The following PDE11A variants were observed in gnomAD, a reference collection of about 807,000 sequenced individuals.
PDE11A encodes the protein phosphodiesterase 11A.
Under a neutral mutation model 100.5 loss-of-function variants are expected in PDE11A, and 100 were observed. That is an observed-to-expected ratio of 1.00 (90% CI 0.85 to 1.18). PDE11A has a LOEUF of 1.18. Ranked by LOEUF, PDE11A falls within the 50% of genes most tolerant of loss-of-function variation. PDE11A has a pLI of 0.00. For synonymous variants in PDE11A, 381 were observed against 420.8 expected, an observed-to-expected ratio of 0.91 and a Z score of 1.16; for missense variants, 1,141 against 1,152.6, an observed-to-expected ratio of 0.99 and a Z score of 0.15.
intron 9 of PDE11A, among the ~76,000 whole-genome samples, chr2:177,778,698 G>A (rs765096052): frequency 2.0e-5 from 3 of 152,304 alleles, no homozygotes; most frequent in South Asian, 2.1e-4. Context: ...CCCGACAGAA[G>A]TGTCATCTAA....
rs140613525 is a variant in PDE11A at position 177,715,900 on chromosome 2, G to C, written c.2044-4022C>G. On this transcript the variant is annotated intron_variant, in intron 12 of 19. Coordinates refer to ENST00000286063, the MANE Select transcript of PDE11A (RefSeq NM_016953.4). ...GCATCACAAAACTCACTGTGCACCA[G>C]TGTATGTGGGTGGTGCCTGGAGATT... 1.4e-4 allele frequency among the ~76,000 whole-genome samples: 22 copies of C among 152,322 alleles called. No homozygotes were observed. In the East Asian group the frequency reaches 4.2e-3, roughly 29 times the overall value.
At chr2:177,965,599 C>T (rs1372545864) in intron 2 of PDE11A, among the ~76,000 whole-genome samples, 2 of 152,152 alleles carry the variant, frequency 1.3e-5, no homozygotes, top group African/African-American at 4.8e-5. Context: ...TATCCCAGCA[C>T]CATTTATTGA....
intron 5 of PDE11A, among the ~76,000 whole-genome samples, chr2:177,875,459 G>A (rs1378634166): frequency 6.6e-6 from 1 of 151,570 alleles, no homozygotes; most frequent in African/African-American, 2.4e-5. Context: ...CTCACTGCAA[G>A]CTCCACCTCC....
At chr2:177,806,369 A>AATCTCTGCCATCTG (rs2082871337) in intron 9 of PDE11A, among the ~76,000 whole-genome samples, 1 of 152,150 alleles carries the variant, frequency 6.6e-6, no homozygotes, top group Non-Finnish European at 1.5e-5. Context: ...AAATCTTCAT[A>AATCTCTGCCATCTG]ATCTCTTTTT....
At chr2:177,750,492 G>C (rs1454055949) in intron 10 of PDE11A, among the ~76,000 whole-genome samples, 2 of 152,242 alleles carry the variant, frequency 1.3e-5, no homozygotes, top group African/African-American at 4.8e-5. Flanking sequence ...TCAGATTACA[G>C]AACATGGCCA....
chr2:177,758,113 G>A (rs2082116635), intron 10 of PDE11A, among the ~76,000 whole-genome samples: 1 of 150,544 alleles, frequency 6.6e-6, no homozygotes, highest in African/African-American at 2.4e-5. Context: ...TGGCTAACAC[G>A]GTGAAACCCC....
rs553306811 is a variant in PDE11A at position 177,818,793 on chromosome 2, C to T, written c.1577-868G>A. On this transcript the variant is annotated intron_variant, in intron 7 of 19. Coordinates refer to ENST00000286063, the MANE Select transcript of PDE11A (RefSeq NM_016953.4). ...GTTTTAGGGCATGACTTCCCAAATA[C>T]ACAAGTTTAACAAGAAAAATCAACT... 1.5e-4 allele frequency among the ~76,000 whole-genome samples: 23 copies of T among 151,810 alleles called. 1 individual carries two copies. The South Asian group carries it at 4.6e-3, about 30-fold the overall frequency.
chr2:177,795,651 A>G (rs1333428746), intron 9 of PDE11A, among the ~76,000 whole-genome samples: 4 of 152,154 alleles, frequency 2.6e-5, no homozygotes, highest in East Asian at 1.9e-4. Context: ...GATAACCCCA[A>G]GCAGGTTTTG....
chr2:177,660,309 G>A (rs2080467044), intron 19 of PDE11A, among the ~76,000 whole-genome samples: 2 of 151,866 alleles, frequency 1.3e-5, no homozygotes, highest in African/African-American at 2.4e-5. Flanking sequence ...ATCGATTTGG[G>A]ACTGTTCTGT....
intron 17 of PDE11A, among the ~76,000 whole-genome samples, chr2:177,675,251 T>TA (rs1257055002): frequency 8.0e-6 from 1 of 125,432 alleles, no homozygotes; most frequent in Non-Finnish European, 1.7e-5. Flanking sequence ...TATTGCTTAG[T>TA]GAAAGCACGA....
intron 1 of PDE11A, among the ~76,000 whole-genome samples, chr2:178,045,768 G>C (rs1375547725): frequency 6.6e-6 from 1 of 152,202 alleles, no homozygotes; most frequent in Non-Finnish European, 1.5e-5. Context: ...CAATTGTTGG[G>C]ATCTTCGCAC....
At chr2:178,040,224 C>A (rs961739879) in intron 1 of PDE11A, among the ~76,000 whole-genome samples, 2 of 152,032 alleles carry the variant, frequency 1.3e-5, no homozygotes, top group Non-Finnish European at 2.9e-5. Flanking sequence ...ACTACTACAC[C>A]TGGCTAATTT....
chr2:177,839,742 TATAG>T (rs2083459247), intron 6 of PDE11A, among the ~76,000 whole-genome samples: 1 of 152,196 alleles, frequency 6.6e-6, no homozygotes, highest in Non-Finnish European at 1.5e-5. Context: ...TGAGTATATA[TATAG>T]AGAGTACACA....
At chr2:178,012,067 C>T (rs539990394) in intron 2 of PDE11A, 6 of 152,288 alleles carry the variant, frequency 3.9e-5, no homozygotes, top group East Asian at 1.9e-4. Flanking sequence ...AATACCCATA[C>T]GCAGAAGTTG....
intron 9 of PDE11A, among the ~76,000 whole-genome samples, chr2:177,814,113 T>A (rs1226229621): frequency 6.6e-6 from 1 of 152,152 alleles, no homozygotes. Context: ...CTGTTATTAC[T>A]ATTTTACTTT....
intron 5 of PDE11A, among the ~76,000 whole-genome samples, chr2:177,868,024 G>A (rs1367292368): frequency 6.6e-6 from 1 of 152,194 alleles, no homozygotes; most frequent in African/African-American, 2.4e-5. Flanking sequence ...TTGGGCCATG[G>A]TGGCTGGAAA....
At chr2:177,822,650 C>T (rs1425882287) in intron 6 of PDE11A, among the ~76,000 whole-genome samples, 2 of 152,084 alleles carry the variant, frequency 1.3e-5, no homozygotes, top group East Asian at 1.9e-4. Context: ...GGATTTTTAT[C>T]GGTATTTTTT....
chr2:177,979,045 T>A, intron 2 of PDE11A, among the ~76,000 whole-genome samples: 1 of 127,640 alleles, frequency 7.8e-6, no homozygotes, highest in African/African-American at 3.0e-5. Context: ...ACCTGCACAA[T>A]GTGCACATGT....
chr2:178,094,968 C>T (rs571930759), intron 2 of PDE11A, among the ~76,000 whole-genome samples: 97 of 152,292 alleles, frequency 6.4e-4, no homozygotes, highest in African/African-American at 2.3e-3. Context: ...AGGTCCCTCC[C>T]TCCACACGTG....
Sources: gnomAD v4.1 joint callset for allele counts (sites outside exome capture counted in the v4.1 genomes callset) on GRCh38, gnomAD v4.1.1 for gene constraint, MANE v1.5 for transcripts, NCBI Gene and HGNC (gene_info 2026-07-23, HGNC 2026-07-21) for gene names.